STK32B: variants seen among roughly 807,000 people sequenced by gnomAD.
STK32B encodes serine/threonine kinase 32B, also known as serine/threonine-protein kinase 32B.
A neutral mutation model predicts 52.6 loss-of-function variants in STK32B; 43 were observed. That is an observed-to-expected ratio of 0.82 (90% CI 0.64 to 1.05). STK32B has a LOEUF of 1.05. Ranked by LOEUF, STK32B falls within the 50% of genes least tolerant of loss-of-function variation. The probability of loss-of-function intolerance (pLI) is 0.00; values close to 1 mark genes in which losing one functional copy is unlikely to be tolerated. For missense variants in STK32B, 621 were observed against 534.6 expected (o/e 1.16, Z -1.59); for synonymous variants, 238 against 204.3 (o/e 1.17, Z -1.41).
chr4:5,059,052 C>CTTTTTTTTTTTTTTTTTTTTTTTTTTT lies in STK32B; in HGVS notation c.52+7140_52+7166dup, dbSNP rs3072775. ...AGGCGTGAGCCACCACGCCCAGCTG[C>CTTTTTTTTTTTTTTTTTTTTTTTTTTT]TTTTTTTTTTTTTTTTTTTTTTTTT... On this transcript the variant is annotated intron_variant, in intron 1 of 11. Transcript: ENST00000282908. Among the ~76,000 whole-genome samples, 26 of 86,920 alleles carry CTTTTTTTTTTTTTTTTTTTTTTTTTTT rather than the reference C, an allele frequency of 3.0e-4. 7 individuals carry two copies. Among genetic ancestry groups the CTTTTTTTTTTTTTTTTTTTTTTTTTTT allele is most frequent in the East Asian group, 1.2e-3 (3 of 2,584 alleles). 57.0% of individuals were successfully genotyped at this position (86,920 alleles called of 152,430 possible).
At chr4:5,457,750 G>A (rs1256470726) in intron 8 of STK32B, among the ~76,000 whole-genome samples, 4 of 151,706 alleles carry the variant, frequency 2.6e-5, no homozygotes, top group Non-Finnish European at 5.9e-5. Context: ...GCACATGCCT[G>A]TAATCCCAGC....
Position 5,051,591 on chromosome 4 carries a change from G to A in STK32B, c.-273G>A. 4.6e-6 allele frequency: 2 copies of A among 435,314 alleles called. No homozygotes were observed. The highest frequency in any genetic ancestry group is 8.0e-6 in the Non-Finnish European group (2 of 248,996). The allele number at this position is 435,314 out of a possible 1,614,324, so 27.0% of individuals were successfully genotyped here. On this transcript the variant is annotated 5_prime_UTR_variant, in exon 1 of 12. Transcript: ENST00000282908. ...GAGGAGCTCCCGGGTTCCCGGGCGG[G>A]CACTGGAGTAAGGAGCTGCGAGCGC...
chr4:5,496,605 A>G (rs1025438238), intron 11 of STK32B, among the ~76,000 whole-genome samples: 2 of 151,304 alleles, frequency 1.3e-5, no homozygotes, highest in African/African-American at 2.5e-5. Context: ...TGAACCCGGT[A>G]CCTCAGATGG....
chr4:5,460,183 G>A lies in STK32B; in HGVS notation c.864G>A (p.Trp288Ter). The A allele has an allele frequency of 6.2e-7, 1 of 1,614,090 alleles. No individual in the cohort carries two copies. The highest frequency in any genetic ancestry group is 8.5e-7 in the Non-Finnish European group (1 of 1,180,012). ...QSVPYLADMNWDAVFKKALMP... is the reference protein window; with the variant it reads ...QSVPYLADMN ...TGCCCTACTTGGCCGACATGAACTGGGACGCGGTGTTCAAGAAGGCACTGA... is the reference window on the plus strand; with the variant it reads ...TGCCCTACTTGGCCGACATGAACTGAGACGCGGTGTTCAAGAAGGCACTGA... The change falls in exon 9 of 12, where the codon TGG becomes TGA. Residue 288 changes from tryptophan to a stop codon, truncating the protein, a stop_gained. Transcript: ENST00000282908. LOFTEE classifies it high-confidence loss of function. The surrounding 1 kb of genome is among the most constrained non-coding windows in gnomAD (Gnocchi z 4.8).
the STK32B span, among the ~76,000 whole-genome samples, chr4:5,043,917 T>C: frequency 6.6e-6 from 1 of 152,172 alleles, no homozygotes; most frequent in East Asian, 1.9e-4. Context: ...AAGGAAGAAA[T>C]GAGAGTAAGG....
intron 4 of STK32B, among the ~76,000 whole-genome samples, chr4:5,349,167 G>T (rs773687252): frequency 3.1e-4 from 47 of 152,056 alleles, no homozygotes; most frequent in Admixed American, 3.3e-4. Context: ...CCACCTAGAG[G>T]TCCAAGAGCT....
At chr4:5,285,580 A>C (rs370245241) in intron 3 of STK32B, among the ~76,000 whole-genome samples, 1 of 152,346 alleles carries the variant, frequency 6.6e-6, no homozygotes, top group East Asian at 1.9e-4. Context: ...CATAGCAATC[A>C]TAAGAACAAT....
chr4:5,100,687 T>TC (rs1713710650), intron 1 of STK32B, among the ~76,000 whole-genome samples: 1 of 41,812 alleles, frequency 2.4e-5, no homozygotes, highest in African/African-American at 1.1e-4. Flanking sequence ...CTTTCTTACT[T>TC]TCTTTCTTTC....
At chr4:5,250,314 T>TG (rs1037112053) in intron 3 of STK32B, among the ~76,000 whole-genome samples, 2 of 145,920 alleles carry the variant, frequency 1.4e-5, no homozygotes, top group African/African-American at 5.0e-5. Context: ...TAAGTTCTTT[T>TG]TTTTTTTTTT....
chr4:5,497,210 T>G (rs1480254933), intron 11 of STK32B, among the ~76,000 whole-genome samples: 1 of 152,256 alleles, frequency 6.6e-6, no homozygotes. Flanking sequence ...CCAGAAAATA[T>G]GTTGGCATGC....
the STK32B span, among the ~76,000 whole-genome samples, chr4:5,031,678 CA>C: frequency 6.6e-6 from 1 of 152,228 alleles, no homozygotes; most frequent in South Asian, 2.1e-4. Context: ...ATGAGAATGC[CA>C]AGTCCTCTTT....
intron 4 of STK32B, among the ~76,000 whole-genome samples, chr4:5,335,144 A>T (rs548170302): frequency 2.3e-4 from 35 of 152,278 alleles, no homozygotes; most frequent in African/African-American, 7.2e-4. Flanking sequence ...GATTATTGCC[A>T]CAATTTCAGA....
intron 3 of STK32B, among the ~76,000 whole-genome samples, chr4:5,277,226 C>T (rs1240194454): frequency 6.6e-6 from 1 of 152,200 alleles, no homozygotes; most frequent in African/African-American, 2.4e-5. Context: ...GAGTCATGCA[C>T]TTTCTAGCAT....
chr4:5,380,929 C>T lies in STK32B; in HGVS notation c.435-17278C>T, dbSNP rs1044578514. 1.3e-5 allele frequency among the ~76,000 whole-genome samples: 2 copies of T among 152,150 alleles called. No homozygotes were observed. Among genetic ancestry groups the T allele is most frequent in the Non-Finnish European group, 2.9e-5 (2 of 68,038 alleles). On this transcript the variant is annotated intron_variant, in intron 4 of 11. Transcript: ENST00000282908. This position sits in a 1 kb window ranked among gnomAD's most constrained non-coding sequence, Gnocchi z 4.3. The stretch of plus-strand genomic sequence containing the variant: ...TGTCAGTGCCAACGTCATCATTATC[C>T]TCTCCAGCAGCCCACCCGTCCTCCC...
intron 4 of STK32B, among the ~76,000 whole-genome samples, chr4:5,393,078 C>T (rs1317932114): frequency 6.6e-6 from 1 of 152,224 alleles, no homozygotes; most frequent in Non-Finnish European, 1.5e-5. Context: ...TCCTATCCCA[C>T]ATCAGCTTGC....
chr4:5,241,662 G>C (rs1046001683), intron 3 of STK32B, among the ~76,000 whole-genome samples: 1 of 151,782 alleles, frequency 6.6e-6, no homozygotes, highest in African/African-American at 2.4e-5. Context: ...TGCCATGTTG[G>C]TGTGCTGCAC....
chr4:5,141,772 G>C (rs2108833939), intron 2 of STK32B, among the ~76,000 whole-genome samples: 1 of 152,254 alleles, frequency 6.6e-6, no homozygotes, highest in Non-Finnish European at 1.5e-5. Context: ...CAGTAGCTCA[G>C]AGGCTGTCTG....
chr4:5,149,398 T>C (rs1260645380), intron 2 of STK32B, among the ~76,000 whole-genome samples: 2 of 151,944 alleles, frequency 1.3e-5, no homozygotes, highest in African/African-American at 2.4e-5. Context: ...CTCTTCTTTT[T>C]TTCTTGTCTC....
Position 5,398,185 on chromosome 4 carries a change from GCTT to G in STK32B, c.435-18_435-16del, listed in dbSNP as rs781296644. The G allele has an allele frequency of 1.5e-5, 24 of 1,613,642 alleles. No homozygotes were observed. The East Asian group carries it at 5.4e-4, about 36-fold the overall frequency. On this transcript the variant is annotated intron_variant, in intron 4 of 11. Coordinates refer to ENST00000282908, the MANE Select transcript of STK32B (RefSeq NM_018401.3). This position sits in a 1 kb window ranked among gnomAD's most constrained non-coding sequence, Gnocchi z 4.9. ...TGTGGGCTCAGGAACCACATTGCCA[GCTT>G]CTTTGTTTTCTTTTACAGAGACATC...
Sources: gnomAD v4.1 joint callset for allele counts (sites outside exome capture counted in the v4.1 genomes callset) on GRCh38, gnomAD v4.1.1 for gene constraint, Gnocchi (gnomAD v3.1) non-coding constraint, MANE v1.5 for transcripts, NCBI Gene and HGNC (gene_info 2026-07-23, HGNC 2026-07-21) for gene names.